TXNDC5: variants seen among roughly 807,000 people sequenced by gnomAD.
TXNDC5 encodes thioredoxin domain containing 5.
Under a neutral mutation model 52.6 loss-of-function variants are expected in TXNDC5, and 44 were observed. That is an observed-to-expected ratio of 0.84 (90% CI 0.66 to 1.08). The LOEUF (loss-of-function observed/expected upper bound fraction) is 1.08, where lower values mean the gene tolerates loss of function less well. Ranked by LOEUF, TXNDC5 falls within the 50% of genes least tolerant of loss-of-function variation. TXNDC5 has a pLI of 0.00. For missense variants in TXNDC5, 600 were observed against 565.5 expected, an observed-to-expected ratio of 1.06 and a Z score of -0.62; for synonymous variants, 241 against 234.4, an observed-to-expected ratio of 1.03 and a Z score of -0.26.
chr6:7,884,738 A>G (rs1251043609), intron 8 of TXNDC5, among the ~76,000 whole-genome samples: 1 of 152,238 alleles, frequency 6.6e-6, no homozygotes, highest in Non-Finnish European at 1.5e-5. Flanking sequence ...TCTCAAAACA[A>G]GTTGAGATTC....
intron 3 of TXNDC5, among the ~76,000 whole-genome samples, chr6:7,897,032 C>G (rs1581320349): frequency 2.0e-5 from 3 of 151,912 alleles, no homozygotes; most frequent in African/African-American, 7.3e-5. Flanking sequence ...GGTGGAAAGT[C>G]CTTTACAAAG....
intron 9 of TXNDC5, 39 bp from the exon 10 acceptor site, chr6:7,883,305 C>G: frequency 6.2e-7 from 1 of 1,612,760 alleles, no homozygotes; most frequent in Non-Finnish European, 8.5e-7. Context: ...AACCAGCGGT[C>G]CAGATCACAT....
Position 7,883,057 on chromosome 6 carries a change from A to C in TXNDC5, c.*87T>G, listed in dbSNP as rs1759823610. ...ATGTTCTGCTTTCTGAACAGCCACC[A>C]CTGGGAACCCAGTGGCCTCTGTGGG... On this transcript the variant is annotated 3_prime_UTR_variant, in exon 10 of 10. Coordinates refer to ENST00000379757, the MANE Select transcript of TXNDC5 (RefSeq NM_030810.5). The C allele has an allele frequency of 6.9e-6, 11 of 1,585,142 alleles. No individual in the cohort carries two copies. The highest frequency in any genetic ancestry group is 9.5e-6 in the Non-Finnish European group (11 of 1,159,816).
In TXNDC5 at chr6:7,883,108, G is replaced by T; in HGVS notation, c.*36C>A. The T allele has an allele frequency of 1.2e-6, 2 of 1,613,656 alleles. No individual in the cohort carries two copies. The highest frequency in any genetic ancestry group is 1.7e-6 in the Non-Finnish European group (2 of 1,179,862). On this transcript the variant is annotated 3_prime_UTR_variant, in exon 10 of 10. Transcript: ENST00000379757. Reference sequence around the variant, plus strand: ...ACTGAACTCCTAAACGCAGGGTGCGGGAGCTGGGCAGGAGAGGTGACCTCC... The same window carrying T: ...ACTGAACTCCTAAACGCAGGGTGCGTGAGCTGGGCAGGAGAGGTGACCTCC...
rs998737685 is a variant in TXNDC5 at position 7,910,769 on chromosome 6, G to C, written c.8C>G (p.Ala3Gly). Residue 3 changes from alanine to glycine, a missense_variant, in exon 1 of 10, where the codon GCG becomes GGG. Coordinates refer to ENST00000379757, the MANE Select transcript of TXNDC5 (RefSeq NM_030810.5). ...CAGCGGGAGGAGGCGTCCTGGGCGCGCGGGCATCGCGGCGGGGCTGGGCGC... is the reference window on the plus strand; with the variant it reads ...CAGCGGGAGGAGGCGTCCTGGGCGCCCGGGCATCGCGGCGGGGCTGGGCGC... MPARPGRLLPLLA... is the reference protein window; with the variant it reads MPGRPGRLLPLLA... 1 of 992,468 alleles carries C rather than the reference G, an allele frequency of 1.0e-6. No homozygotes were observed. The highest frequency in any genetic ancestry group is 1.1e-4 in the East Asian group (1 of 9,078). 61.5% of individuals were successfully genotyped at this position (992,468 alleles called of 1,614,324 possible).
At chr6:7,891,541 C>T (rs148253644) in intron 5 of TXNDC5, 80 bp downstream of exon 5, 21 of 1,173,176 alleles carry the variant, frequency 1.8e-5, no homozygotes, top group East Asian at 4.9e-5. Flanking sequence ...ACTTTGCACA[C>T]GGAATGAATA....
chr6:7,903,102 C>T (rs1445570063), intron 2 of TXNDC5, among the ~76,000 whole-genome samples: 1 of 152,186 alleles, frequency 6.6e-6, no homozygotes, highest in African/African-American at 2.4e-5. Flanking sequence ...AGAGGAAAGA[C>T]ACCACAGCCA....
At chr6:7,889,612 C>T in intron 5 of TXNDC5, 31 bp from the exon 6 acceptor site, 1 of 1,564,424 alleles carries the variant, frequency 6.4e-7, no homozygotes, top group South Asian at 1.1e-5. Flanking sequence ...ACTTCCCAGT[C>T]AGTTTCTTCA....
At chr6:7,883,440 C>G (rs986813546) in intron 9 of TXNDC5, among the ~76,000 whole-genome samples, 174 bp from the exon 10 acceptor site, 5 of 152,206 alleles carry the variant, frequency 3.3e-5, no homozygotes, top group African/African-American at 1.2e-4. Context: ...GAAAGCACAG[C>G]CGTGGGGCTG....
intron 4 of TXNDC5, 74 bp downstream of exon 4, chr6:7,895,032 G>A: frequency 6.5e-7 from 1 of 1,533,034 alleles, no homozygotes; most frequent in Non-Finnish European, 8.8e-7. Flanking sequence ...CCCTTGAGTA[G>A]CAGGAAGGAA....
At chr6:7,909,428 G>C (rs1401687073) in intron 1 of TXNDC5, among the ~76,000 whole-genome samples, 1 of 152,230 alleles carries the variant, frequency 6.6e-6, no homozygotes, top group Non-Finnish European at 1.5e-5. Context: ...CAGGAAAGCT[G>C]TGCACATGCT....
In TXNDC5 at chr6:7,910,266, C is replaced by A. The variant is rs571463981; in HGVS notation, c.263+248G>T. On this transcript the variant is annotated intron_variant, in intron 1 of 9. Transcript: ENST00000379757. ...CCCGGCTCCCGGCCCCGAGCCGCGG[C>A]GCCCGCGCCCCCCGCTCCCCGCCAG... Among the ~76,000 whole-genome samples the A allele has an allele frequency of 6.0e-4, 90 of 150,330 alleles. 1 individual carries two copies. Among genetic ancestry groups the A allele is most frequent in the African/African-American group, 2.1e-3 (87 of 40,976 alleles).
At chr6:7,894,248 G>A (rs892853431) in intron 4 of TXNDC5, among the ~76,000 whole-genome samples, 7 of 151,190 alleles carry the variant, frequency 4.6e-5, no homozygotes, top group Non-Finnish European at 5.9e-5. Flanking sequence ...CTTCAGGAGT[G>A]CGCTTACCAT....
chr6:7,892,176 C>G (rs1760216598), intron 4 of TXNDC5, among the ~76,000 whole-genome samples: 1 of 152,208 alleles, frequency 6.6e-6, no homozygotes, highest in African/African-American at 2.4e-5. Flanking sequence ...GACCACATCC[C>G]AAAGAGAGAC....
rs760804665 is a variant in TXNDC5, at chr6:7,910,612, C to G, written c.165G>C (p.Glu55Asp). The part of the protein sequence containing the change: ...AADGPPAADG[E>D]DGQDPHSKHL... Reference sequence around the variant, plus strand: ...GCTTGCTGTGCGGGTCCTGTCCGTCCTCGCCGTCTGCCGCGGGGGGCCCGT... The same window carrying G: ...GCTTGCTGTGCGGGTCCTGTCCGTCGTCGCCGTCTGCCGCGGGGGGCCCGT... Residue 55 changes from glutamate to aspartate, a missense_variant, in exon 1 of 10, where the codon GAG becomes GAC. By Grantham distance (45) the Glu-to-Asp change is conservative. Transcript: ENST00000379757. The G allele has an allele frequency of 1.7e-5, 23 of 1,361,774 alleles. No homozygotes were observed. The East Asian group carries it at 7.0e-4, about 41-fold the overall frequency. 84.4% of individuals were successfully genotyped at this position (1,361,774 alleles called of 1,614,324 possible). A position where few individuals can be genotyped will look rare whatever the true frequency, so the allele number is the denominator to read the frequency against.
chr6:7,901,899 T>A (rs914069811), intron 2 of TXNDC5, among the ~76,000 whole-genome samples: 3 of 152,166 alleles, frequency 2.0e-5, no homozygotes, highest in African/African-American at 7.2e-5. Context: ...GTCATAACCA[T>A]CAATCTCAGA....
intron 8 of TXNDC5, among the ~76,000 whole-genome samples, chr6:7,885,240 TTAGA>T (rs1283419453): frequency 2.0e-5 from 3 of 152,262 alleles, no homozygotes; most frequent in African/African-American, 7.2e-5. Flanking sequence ...TTTATCATGT[TTAGA>T]TAAACAATCT....
In TXNDC5 at chr6:7,889,543, G is replaced by A. The variant is rs1183072018; in HGVS notation, c.771C>T (p.Asn257=). 12 of 1,613,562 alleles carry A rather than the reference G, an allele frequency of 7.4e-6. No individual in the cohort carries two copies. The highest frequency in any genetic ancestry group is 1.1e-5 in the South Asian group (1 of 91,062). ...GAAGAGTGGGATAGCCACGAACCTG[G>A]TTTCCGGAGCAGAGTTCATAGTGCT... is the stretch of plus-strand genomic sequence containing the variant. ...CTQHYELCSG[N]QVRGYPTLLW... Residue 257 remains asparagine (N), a synonymous_variant, in exon 6 of 10, where the codon AAC becomes AAT. Coordinates refer to ENST00000379757, the MANE Select transcript of TXNDC5 (RefSeq NM_030810.5).
intron 5 of TXNDC5, among the ~76,000 whole-genome samples, chr6:7,890,718 A>G (rs1192707000): frequency 2.0e-5 from 3 of 152,242 alleles, no homozygotes; most frequent in African/African-American, 7.2e-5. Context: ...TTTAACTGAC[A>G]ACAAAAGTGA....
Sources: allele counts gnomAD v4.1 joint callset (sites outside exome capture counted in the v4.1 genomes callset), GRCh38; gene constraint gnomAD v4.1.1; transcripts MANE v1.5; gene names NCBI Gene and HGNC (gene_info 2026-07-23, HGNC 2026-07-21).